Variants in CACTIN observed in about 807,000 individuals in gnomAD.
The protein encoded by CACTIN is cactin, spliceosome C complex subunit, also known as splicing factor Cactin.
CACTIN carries 20 observed loss-of-function variants against 84.9 expected under a neutral mutation model. The observed-to-expected ratio is 0.24, with a 90% CI of 0.17 to 0.34. The LOEUF (loss-of-function observed/expected upper bound fraction) is 0.34, where lower values mean the gene tolerates loss of function less well. Ranked by LOEUF, CACTIN falls within the 10% of genes least tolerant of loss-of-function variation. The pLI is 1.00. For synonymous variants in CACTIN, 549 were observed against 467.9 expected (o/e 1.17, Z -2.24); for missense variants, 897 against 1,117.2 (o/e 0.80, Z 2.81).
intron 9 of CACTIN, chr19:3,612,811 G>A (rs888931603): frequency 1.4e-6 from 1 of 707,942 alleles, no homozygotes. Context: ...GGAGTGCTCG[G>A]ACAGCGGCCG....
Position 3,613,054 on chromosome 19 carries a change from T to C in CACTIN, c.1786+4A>G, listed in dbSNP as rs1599883530. The C allele has an allele frequency of 4.1e-6, 5 of 1,214,772 alleles. No individual in the cohort carries two copies. The highest frequency in any genetic ancestry group is 4.3e-6 in the Non-Finnish European group (4 of 927,876). 75.2% of individuals were successfully genotyped at this position (1,214,772 alleles called of 1,614,324 possible). A position where few individuals can be genotyped will look rare whatever the true frequency, so the allele number is the denominator to read the frequency against. On this transcript the variant is annotated splice_donor_region_variant and intron_variant, in intron 9 of 9. Transcript: ENST00000429344. The stretch of plus-strand genomic sequence containing the variant: ...CACCCCCTGGCCTCCAGCCCCGCCC[T>C]TACCCGTGACCTGGAGCTGCTGGCG...
intron 9 of CACTIN, 76 bp from the exon 10 acceptor site, chr19:3,612,489 G>A (rs1227106748): frequency 1.1e-5 from 16 of 1,475,382 alleles, no homozygotes; most frequent in Non-Finnish European, 1.4e-5. Context: ...TCTCTGGCAG[G>A]GGCGGCCGCT....
chr19:3,610,925 A>G lies in CACTIN; in HGVS notation c.*998T>C, dbSNP rs1354160858. ...GAAGAACAAGCCTGCCGGCTGGGCC[A>G]CTCCGACCTGGGCTGTGGCACCCGT... On this transcript the variant is annotated 3_prime_UTR_variant, in exon 10 of 10. Transcript: ENST00000429344. 1.3e-5 allele frequency: 6 copies of G among 456,478 alleles called. No individual in the cohort carries two copies. Among genetic ancestry groups the G allele is most frequent in the Non-Finnish European group, 2.6e-5 (6 of 226,920 alleles). The allele number at this position is 456,478 out of a possible 1,614,324, so 28.3% of individuals were successfully genotyped here.
chr19:3,622,632 G>A (rs1007614305), intron 2 of CACTIN, among the ~76,000 whole-genome samples: 8 of 152,334 alleles, frequency 5.3e-5, no homozygotes, highest in African/African-American at 9.6e-5. Flanking sequence ...AGGCAGGAGG[G>A]GCCTCCCCTC....
intron 2 of CACTIN, among the ~76,000 whole-genome samples, chr19:3,623,249 G>T (rs920776879): frequency 7.5e-6 from 1 of 133,100 alleles, no homozygotes; most frequent in African/African-American, 2.8e-5. Flanking sequence ...AAGAAAGCTG[G>T]CCGGGCGTGG....
At chr19:3,620,666 GA>G in intron 3 of CACTIN, 40 bp downstream of exon 3, 1 of 1,527,440 alleles carries the variant, frequency 6.5e-7, no homozygotes, top group Non-Finnish European at 8.9e-7. Context: ...CCAGGCCCTG[GA>G]AAGGGAGGGC....
intron 2 of CACTIN, among the ~76,000 whole-genome samples, chr19:3,623,067 C>T (rs2033256898): frequency 6.6e-6 from 1 of 152,128 alleles, no homozygotes; most frequent in African/African-American, 2.4e-5. Flanking sequence ...GAGACTCCAT[C>T]TTTACAAAAA....
chr19:3,616,730 T>G (rs1373764329), intron 6 of CACTIN: 1 of 152,316 alleles, frequency 6.6e-6, no homozygotes, highest in African/African-American at 2.4e-5. Context: ...CACTCATGCC[T>G]TTAATCCTAG....
Position 3,619,083 on chromosome 19 carries a change from G to T in CACTIN, c.1044C>A (p.Ile348=), listed in dbSNP as rs1306239974. The change falls in exon 5 of 10, where the codon ATC becomes ATA. Residue 348 remains isoleucine (I), a synonymous_variant. Transcript: ENST00000429344. ...VADMEDLLED[I]QVYMELEQGK... is the part of the protein sequence containing the mutation. The stretch of plus-strand genomic sequence containing the variant: ...AGCATCGGGTGGGGCTGGGTACCTG[G>T]ATATCCTCCAGCAGGTCCTCCATGT... 6.4e-7 allele frequency: 1 copy of T among 1,557,428 alleles called. No homozygotes were observed. The highest frequency in any genetic ancestry group is 1.2e-5 in the South Asian group (1 of 84,562).
At chr19:3,614,825 G>C in intron 6 of CACTIN, 1 of 571,748 alleles carries the variant, frequency 1.7e-6, no homozygotes, top group Non-Finnish European at 3.1e-6. Context: ...CTGAGGCCTT[G>C]ACCTGGAGGC....
intron 2 of CACTIN, 21 bp downstream of exon 2, chr19:3,623,667 C>T: frequency 6.4e-7 from 1 of 1,570,316 alleles, no homozygotes; most frequent in South Asian, 1.2e-5. Flanking sequence ...GGGACAGAGG[C>T]CACCACCCGG....
intron 7 of CACTIN, 108 bp from the exon 8 acceptor site, chr19:3,613,694 C>T (rs530204734): frequency 4.2e-6 from 6 of 1,445,018 alleles, no homozygotes; most frequent in East Asian, 5.0e-5. Flanking sequence ...GAGAAGGTGG[C>T]GAGCAGCCAC....
chr19:3,619,230 G>A lies in CACTIN; in HGVS notation c.897C>T (p.Arg299=). 1.2e-6 allele frequency: 2 copies of A among 1,613,262 alleles called. No individual in the cohort carries two copies. Among genetic ancestry groups the A allele is most frequent in the Non-Finnish European group, 1.7e-6 (2 of 1,179,748 alleles). Residue 299 remains arginine (R), a synonymous_variant, in exon 5 of 10, where the codon CGC becomes CGT. Transcript: ENST00000429344. ...TGGGCTTGGCCCGCCCGTCCCGGAT[G>A]CGGATCTTGGAACTGTGGGGAGCAG... The part of the protein sequence containing the change: ...LQQAKLRSKI[R]IRDGRAKPID...
intron 2 of CACTIN, among the ~76,000 whole-genome samples, chr19:3,623,281 G>A (rs1225267840): frequency 1.3e-5 from 2 of 151,784 alleles, no homozygotes; most frequent in Non-Finnish European, 2.9e-5. Flanking sequence ...TGTAATCCCA[G>A]CACTTTGGGA....
intron 1 of CACTIN, among the ~76,000 whole-genome samples, chr19:3,624,448 G>T (rs1424176490): frequency 6.6e-6 from 1 of 152,212 alleles, no homozygotes; most frequent in African/African-American, 2.4e-5. Context: ...GGTCAGAGAG[G>T]GGCTCTCTCA....
chr19:3,624,200 A>C, intron 1 of CACTIN, 38 bp from the exon 2 acceptor site: 1 of 1,493,648 alleles, frequency 6.7e-7, no homozygotes, highest in Non-Finnish European at 9.0e-7. Context: ...CAGTGCCTGC[A>C]GCTGTCATCT....
intron 6 of CACTIN, among the ~76,000 whole-genome samples, chr19:3,617,834 G>C (rs1033941245): frequency 6.6e-6 from 1 of 152,202 alleles, no homozygotes; most frequent in Non-Finnish European, 1.5e-5. Context: ...CTGAGGTTAC[G>C]GGAGAATGTG....
rs190948344 is a variant in CACTIN at position 3,618,426 on chromosome 19, G to C, written c.1162+449C>G. Among the ~76,000 whole-genome samples, 241 of 146,440 alleles carry C rather than the reference G, an allele frequency of 1.6e-3. 4 individuals carry two copies. Among genetic ancestry groups the C allele is most frequent in the East Asian group, 0.016 (81 of 4,958 alleles). Reference sequence around the variant, plus strand: ...ACCATGTGTGTGCAACCACACGGAGGGGGGGGAAACGTGATTTTAAAAGCC... The same window carrying C: ...ACCATGTGTGTGCAACCACACGGAGCGGGGGGAAACGTGATTTTAAAAGCC... On this transcript the variant is annotated intron_variant, in intron 6 of 9. Coordinates refer to ENST00000429344, the MANE Select transcript of CACTIN (RefSeq NM_001080543.2).
chr19:3,613,284 C>G lies in CACTIN; in HGVS notation c.1560G>C (p.Ala520=). 6 of 1,604,026 alleles carry G rather than the reference C, an allele frequency of 3.7e-6. No homozygotes were observed. Among genetic ancestry groups the G allele is most frequent in the African/African-American group, 1.3e-5 (1 of 74,678 alleles). The change falls in exon 9 of 10, where the codon GCG becomes GCC. Residue 520 remains alanine (A), a synonymous_variant. Coordinates refer to ENST00000429344, the MANE Select transcript of CACTIN (RefSeq NM_001080543.2). ...GGPAEAEVDG[A]TPTEGDGDGD... is the part of the protein sequence containing the mutation. ...CGTCGCCGTCGCCCTCTGTCGGGGT[C>G]GCGCCGTCCACCTCGGCCTCCGCGG...
Sources: allele counts gnomAD v4.1 joint callset (sites outside exome capture counted in the v4.1 genomes callset), GRCh38; gene constraint gnomAD v4.1.1; transcripts MANE v1.5; gene names NCBI Gene and HGNC (gene_info 2026-07-23, HGNC 2026-07-21).